The following BHMT variants were observed in gnomAD, a reference collection of about 807,000 sequenced individuals.
The protein encoded by BHMT is betaine--homocysteine S-methyltransferase.
In BHMT, 38 loss-of-function variants were observed where a neutral mutation model predicts 49.5. The observed-to-expected ratio is 0.77, with a 90% CI of 0.59 to 1.01. The LOEUF is 1.01. Ranked by LOEUF, BHMT falls within the 50% of genes least tolerant of loss-of-function variation. The pLI is 0.00. For synonymous variants in BHMT, 166 were observed against 176.3 expected (o/e 0.94, Z 0.46); for missense variants, 426 against 495.7 (o/e 0.86, Z 1.34).
intron 7 of BHMT, among the ~76,000 whole-genome samples, chr5:79,129,084 G>A (rs1190334728): frequency 3.3e-5 from 5 of 152,208 alleles, no homozygotes; most frequent in Non-Finnish European, 4.4e-5. Context: ...TGGAGGACAG[G>A]TGCTCCAAGG....
At chr5:79,123,611 G>A (rs1756507816) in intron 5 of BHMT, among the ~76,000 whole-genome samples, 1 of 152,130 alleles carries the variant, frequency 6.6e-6, no homozygotes, top group South Asian at 2.1e-4. Context: ...GAGTGCAATG[G>A]CACCGTCTTG....
rs536327012 is a variant in BHMT at position 79,126,253 on chromosome 5, T to A, written c.808+25T>A. On this transcript the variant is annotated intron_variant, in intron 6 of 7. Coordinates refer to ENST00000274353, the MANE Select transcript of BHMT (RefSeq NM_001713.3). ...GGTAAGACCAACATTTGATGAATCA[T>A]CTCAATATCTTCATTTGATATGCAT... The A allele has an allele frequency of 6.2e-6, 10 of 1,608,586 alleles. No individual in the cohort carries two copies. The East Asian group carries it at 2.2e-4, about 36-fold the overall frequency.
chr5:79,120,428 G>A lies in BHMT; in HGVS notation c.364G>A (p.Val122Met), dbSNP rs781266642. ...AGGAGATGCTTTGGTAGCAGGAGGAGTGAGTCAGACACCTTCATACCTTAG... is the reference window on the plus strand; with the variant it reads ...AGGAGATGCTTTGGTAGCAGGAGGAATGAGTCAGACACCTTCATACCTTAG... ...DEGDALVAGG[V>M]SQTPSYLSCK... The change falls in exon 4 of 8, where the codon GTG becomes ATG. Residue 122 changes from valine (V) to methionine (M), a missense_variant. Val to Met is a conservative substitution (Grantham distance 21). Coordinates refer to ENST00000274353, the MANE Select transcript of BHMT (RefSeq NM_001713.3). The A allele has an allele frequency of 2.5e-6, 4 of 1,614,120 alleles. No individual in the cohort carries two copies. In the Admixed American group the frequency reaches 5.0e-5, roughly 20 times the overall value.
Position 79,131,188 on chromosome 5 carries a change from G to A in BHMT, c.*72G>A. The A allele has an allele frequency of 1.2e-5, 18 of 1,462,402 alleles. No homozygotes were observed. The highest frequency in any genetic ancestry group is 1.7e-5 in the Non-Finnish European group (18 of 1,078,832). 90.6% of individuals were successfully genotyped at this position (1,462,402 alleles called of 1,614,324 possible). A position where few individuals can be genotyped will look rare whatever the true frequency, so the allele number is the denominator to read the frequency against. On this transcript the variant is annotated 3_prime_UTR_variant, in exon 8 of 8. Transcript: ENST00000274353. ...AGTTCCTACAAATACGGAAAAGGGGGTTAAAAAGCAGTGCTTTCATGAATG... is the reference window on the plus strand; with the variant it reads ...AGTTCCTACAAATACGGAAAAGGGGATTAAAAAGCAGTGCTTTCATGAATG...
chr5:79,111,836 C>T lies in BHMT; in HGVS notation c.-50C>T, dbSNP rs774907135. 2.5e-6 allele frequency: 4 copies of T among 1,608,302 alleles called. No individual in the cohort carries two copies. The highest frequency in any genetic ancestry group is 1.1e-5 in the South Asian group (1 of 90,120). On this transcript the variant is annotated 5_prime_UTR_variant, in exon 1 of 8. Transcript: ENST00000274353. The stretch of plus-strand genomic sequence containing the variant: ...CTCGGGGCTGCGCAGCGGGAAGGCT[C>T]GCCTAGTCGGTCCGCATCCGTGTCG...
rs1319349090 is a variant in BHMT, at chr5:79,120,595, A to G, written c.477+54A>G. ...CAAATACACCTAGTACATTTTCTCTACCTTTTGCTTTCAAGAGTACTGTGT... is the reference window on the plus strand; with the variant it reads ...CAAATACACCTAGTACATTTTCTCTGCCTTTTGCTTTCAAGAGTACTGTGT... On this transcript the variant is annotated intron_variant, in intron 4 of 7. Transcript: ENST00000274353. 9 of 1,502,674 alleles carry G rather than the reference A, an allele frequency of 6.0e-6. No individual in the cohort carries two copies. In the African/African-American group the frequency reaches 8.4e-5, roughly 14 times the overall value. The allele number at this position is 1,502,674 out of a possible 1,614,324, so 93.1% of individuals were successfully genotyped here.
At chr5:79,121,621 C>T (rs540120539) in intron 5 of BHMT, among the ~76,000 whole-genome samples, 4 of 151,872 alleles carry the variant, frequency 2.6e-5, no homozygotes, top group South Asian at 2.1e-4. Context: ...GAGACCATCC[C>T]GGCTAACACA....
Position 79,131,084 on chromosome 5 carries a change from C to T in BHMT, c.1189C>T (p.Leu397Phe). Residue 397 changes from leucine to phenylalanine, a missense_variant, in exon 8 of 8, where the codon CTC becomes TTC. By Grantham distance (22) the Leu-to-Phe change is conservative (BLOSUM62 0). Around this residue, in one of 3 missense-constraint regions of BHMT, gnomAD observed 73 missense variants for 68.3 expected, o/e 1.07. Transcript: ENST00000274353. ...EATTEQQLKELFEKQKFKSQ is the reference protein window; with the variant it reads ...EATTEQQLKEFFEKQKFKSQ ...CACAACTGAGCAGCAGCTGAAAGAGCTCTTTGAAAAACAAAAATTCAAATC... is the reference window on the plus strand; with the variant it reads ...CACAACTGAGCAGCAGCTGAAAGAGTTCTTTGAAAAACAAAAATTCAAATC... 6.2e-7 allele frequency: 1 copy of T among 1,612,830 alleles called. No individual in the cohort carries two copies. The highest frequency in any genetic ancestry group is 2.2e-5 in the East Asian group (1 of 44,832).
intron 7 of BHMT, chr5:79,128,212 T>A (rs902518802): frequency 1.1e-5 from 7 of 642,396 alleles, no homozygotes; most frequent in African/African-American, 1.8e-5. Flanking sequence ...AAAAGAAAAA[T>A]TTTTTTAAAA....
Position 79,111,830 on chromosome 5 carries a change from A to G in BHMT, c.-56A>G. The G allele has an allele frequency of 1.2e-6, 2 of 1,606,840 alleles. No homozygotes were observed. The highest frequency in any genetic ancestry group is 2.3e-5 in the East Asian group (1 of 44,342). ...GAGCAGCTCGGGGCTGCGCAGCGGG[A>G]AGGCTCGCCTAGTCGGTCCGCATCC... On this transcript the variant is annotated 5_prime_UTR_variant, in exon 1 of 8. Coordinates refer to ENST00000274353, the MANE Select transcript of BHMT (RefSeq NM_001713.3).
intron 6 of BHMT, among the ~76,000 whole-genome samples, chr5:79,126,806 G>A (rs921505443): frequency 6.4e-4 from 98 of 152,236 alleles, no homozygotes; most frequent in African/African-American, 2.3e-3. Context: ...AGTCCAGGCA[G>A]AAGGAAAAAC....
chr5:79,119,453 A>C lies in BHMT; in HGVS notation c.285+76A>C, dbSNP rs575221062. The C allele has an allele frequency of 5.9e-6, 7 of 1,181,462 alleles. No homozygotes were observed. The African/African-American group carries it at 9.2e-5, about 16-fold the overall frequency. The allele number at this position is 1,181,462 out of a possible 1,614,324, so 73.2% of individuals were successfully genotyped here. ...CATCAACAAAGCTCCCATAGAGAAA[A>C]GGGTTCAACCTCTTCAGAGTTTTGT... On this transcript the variant is annotated intron_variant, in intron 3 of 7. Transcript: ENST00000274353.
At chr5:79,119,940 A>C (rs762740185) in intron 3 of BHMT, among the ~76,000 whole-genome samples, 58 of 152,238 alleles carry the variant, frequency 3.8e-4, no homozygotes, top group Non-Finnish European at 7.1e-4. Context: ...TTGAGAATAT[A>C]CATACAAAAA....
Position 79,120,426 on chromosome 5 carries a change from G to C in BHMT, c.362G>C (p.Gly121Ala). ...GAAGGAGATGCTTTGGTAGCAGGAG[G>C]AGTGAGTCAGACACCTTCATACCTT... ...ADEGDALVAGGVSQTPSYLSC... is the reference protein window; with the variant it reads ...ADEGDALVAGAVSQTPSYLSC... Residue 121 changes from glycine (G) to alanine (A), a missense_variant, in exon 4 of 8, where the codon GGA becomes GCA. Gly to Ala is a moderately conservative substitution (Grantham distance 60). Coordinates refer to ENST00000274353, the MANE Select transcript of BHMT (RefSeq NM_001713.3). The C allele has an allele frequency of 6.2e-7, 1 of 1,614,076 alleles. No homozygotes were observed. The highest frequency in any genetic ancestry group is 8.5e-7 in the Non-Finnish European group (1 of 1,179,994).
chr5:79,130,895 G>C, intron 7 of BHMT, 38 bp from the exon 8 acceptor site: 2 of 1,500,110 alleles, frequency 1.3e-6, no homozygotes, highest in Non-Finnish European at 8.9e-7. Context: ...GCTAGGGGAG[G>C]AGTCTGTTGT....
At chr5:79,112,704 A>G (rs964118823) in intron 1 of BHMT, among the ~76,000 whole-genome samples, 15 of 152,348 alleles carry the variant, frequency 9.8e-5, no homozygotes, top group Admixed American at 8.5e-4. Context: ...GTAAAACCCA[A>G]TTCCAGCTCC....
At chr5:79,122,907 G>C (rs564439470) in intron 5 of BHMT, among the ~76,000 whole-genome samples, 1 of 152,238 alleles carries the variant, frequency 6.6e-6, no homozygotes, top group Admixed American at 6.5e-5. Context: ...GAAAGCCTAG[G>C]ACAGAAAAGG....
In BHMT at chr5:79,121,377, T is replaced by C; in HGVS notation, c.625+12T>C. 1 of 1,613,978 alleles carries C rather than the reference T, an allele frequency of 6.2e-7. No homozygotes were observed. The highest frequency in any genetic ancestry group is 2.2e-5 in the East Asian group (1 of 44,888). On this transcript the variant is annotated intron_variant, in intron 5 of 7. Transcript: ENST00000274353. ...CCTGGTGAAAGCAGGTGATGATAGATTTCAATCAGTTTGTGATTAGTAAGT... is the reference window on the plus strand; with the variant it reads ...CCTGGTGAAAGCAGGTGATGATAGACTTCAATCAGTTTGTGATTAGTAAGT...
chr5:79,123,531 GGTTGGTTGGTTGGTTC>G lies in BHMT; in HGVS notation c.625+2182_625+2197del, dbSNP rs1472873688. Reference sequence around the variant, plus strand: ...AAAAGTCCTTTTTGGTTGGTTGGTTGGTTGGTTGGTTGGTTCGTTGGTTGGTTGGTTGGTTTTGAGA... The same window carrying G: ...AAAAGTCCTTTTTGGTTGGTTGGTTGGTTGGTTGGTTGGTTGGTTTTGAGA... On this transcript the variant is annotated intron_variant, in intron 5 of 7. Coordinates refer to ENST00000274353, the MANE Select transcript of BHMT (RefSeq NM_001713.3). Among the ~76,000 whole-genome samples the G allele has an allele frequency of 9.5e-3, 834 of 88,170 alleles. 4 individuals carry two copies. Among genetic ancestry groups the G allele is most frequent in the African/African-American group, 0.023 (675 of 29,242 alleles). The allele number at this position is 88,170 out of a possible 152,430, so 57.8% of individuals were successfully genotyped here. A position where few individuals can be genotyped will look rare whatever the true frequency, so the allele number is the denominator to read the frequency against.
Sources: gnomAD v4.1 joint callset for allele counts (sites outside exome capture counted in the v4.1 genomes callset) on GRCh38, gnomAD v4.1.1 for gene constraint, gnomAD v4.1.1 regional missense constraint, MANE v1.5 for transcripts, NCBI Gene and HGNC (gene_info 2026-07-23, HGNC 2026-07-21) for gene names.